Variants in MGAT4C observed in about 807,000 individuals in gnomAD.
MGAT4C encodes MGAT4 family member C, also known as alpha-1,3-mannosyl-glycoprotein 4-beta-N-acetylglucosaminyltransferase C.
MGAT4C carries 19 observed loss-of-function variants against 40.1 expected under a neutral mutation model. The ratio of observed to expected loss-of-function variants is 0.47; its 90% confidence interval spans 0.33 to 0.70. The LOEUF is 0.70. MGAT4C is among the 30% of genes least tolerant of loss of function. The pLI is 0.02. For missense variants in MGAT4C, 491 were observed against 563.2 expected (o/e 0.87, Z 1.30); for synonymous variants, 181 against 187.1 (o/e 0.97, Z 0.27).
At chr12:86,025,511 T>A (rs904584663) in intron 2 of MGAT4C, among the ~76,000 whole-genome samples, 1 of 151,814 alleles carries the variant, frequency 6.6e-6, no homozygotes, top group Non-Finnish European at 1.5e-5. Flanking sequence ...TAAACAGTTT[T>A]AAAAATTTAT....
chr12:86,619,244 GT>G (rs1962561618), intron 2 of MGAT4C, among the ~76,000 whole-genome samples: 1 of 151,972 alleles, frequency 6.6e-6, no homozygotes, highest in Non-Finnish European at 1.5e-5. Flanking sequence ...TATATGTCTT[GT>G]TTTCAATATA....
intron 4 of MGAT4C, among the ~76,000 whole-genome samples, chr12:86,297,998 T>C (rs371141448): frequency 5.9e-5 from 9 of 152,268 alleles, no homozygotes; most frequent in East Asian, 3.9e-4. Flanking sequence ...GTGGATGTAA[T>C]TGATAGGTTG....
At chr12:86,055,878 C>G (rs1893338542) in intron 1 of MGAT4C, among the ~76,000 whole-genome samples, 1 of 151,914 alleles carries the variant, frequency 6.6e-6, no homozygotes. Context: ...TTTTCATTCC[C>G]CTGTTATCCA....
Position 86,337,718 on chromosome 12 carries a change from C to T in MGAT4C, c.-119-3591G>A, listed in dbSNP as rs565374699. 2.9e-4 allele frequency among the ~76,000 whole-genome samples: 44 copies of T among 151,868 alleles called. No individual in the cohort carries two copies. The South Asian group carries it at 4.8e-3, about 16-fold the overall frequency. On this transcript the variant is annotated intron_variant, in intron 3 of 7. Coordinates refer to the MGAT4C transcript ENST00000548651. Reference sequence around the variant, plus strand: ...ATTTGCAGATACATTAACTAAAAGTCGACATTTACTGAAATGATGGGTTTA... The same window carrying T: ...ATTTGCAGATACATTAACTAAAAGTTGACATTTACTGAAATGATGGGTTTA...
chr12:86,773,383 C>T (rs1176196662), intron 1 of MGAT4C, among the ~76,000 whole-genome samples: 2 of 152,078 alleles, frequency 1.3e-5, no homozygotes, highest in Non-Finnish European at 2.9e-5. Context: ...AAAGAACCTA[C>T]CCTGTTGACA....
intron 3 of MGAT4C, among the ~76,000 whole-genome samples, chr12:86,421,291 G>T (rs2136256619): frequency 6.6e-6 from 1 of 152,212 alleles, no homozygotes; most frequent in Admixed American, 6.5e-5. Context: ...CCCCTTGCTG[G>T]TAAAGTGACA....
chr12:86,228,960 T>G (rs976806270), intron 1 of MGAT4C, among the ~76,000 whole-genome samples: 4 of 151,880 alleles, frequency 2.6e-5, no homozygotes, highest in Admixed American at 6.6e-5. Flanking sequence ...TTGTGGCTTC[T>G]TATGTCTGGA....
intron 4 of MGAT4C, among the ~76,000 whole-genome samples, chr12:86,289,348 C>T (rs900436709): frequency 6.6e-6 from 1 of 151,944 alleles, no homozygotes; most frequent in Non-Finnish European, 1.5e-5. Flanking sequence ...TTGGATGCCT[C>T]GGGCTGTGTT....
At chr12:86,156,678 T>C (rs1884976339) in intron 1 of MGAT4C, among the ~76,000 whole-genome samples, 1 of 152,142 alleles carries the variant, frequency 6.6e-6, no homozygotes, top group Admixed American at 6.5e-5. Context: ...GGTTCCAGAG[T>C]ATAAGGAACA....
intron 4 of MGAT4C, among the ~76,000 whole-genome samples, chr12:86,314,786 C>G (rs939626121): frequency 2.0e-5 from 3 of 152,186 alleles, no homozygotes; most frequent in Non-Finnish European, 4.4e-5. Context: ...ATACAATTAT[C>G]TAAGTAGGTG....
chr12:86,135,564 G>T (rs1881822993), intron 1 of MGAT4C, among the ~76,000 whole-genome samples: 1 of 152,040 alleles, frequency 6.6e-6, no homozygotes, highest in Non-Finnish European at 1.5e-5. Context: ...GATAAACGCT[G>T]GGAAGATAAA....
At chr12:86,188,574 A>C (rs1015268447) in intron 1 of MGAT4C, among the ~76,000 whole-genome samples, 1 of 152,026 alleles carries the variant, frequency 6.6e-6, no homozygotes, top group Non-Finnish European at 1.5e-5. Context: ...AGAACTTTAA[A>C]GTTCAAAAGA....
intron 1 of MGAT4C, among the ~76,000 whole-genome samples, chr12:86,187,993 T>A (rs1332535888): frequency 3.9e-5 from 6 of 152,090 alleles, no homozygotes; most frequent in Non-Finnish European, 7.4e-5. Flanking sequence ...CAAAGTGTAC[T>A]GAGACTGAGG....
At chr12:86,346,546 A>G (rs1955037078) in intron 3 of MGAT4C, among the ~76,000 whole-genome samples, 1 of 152,104 alleles carries the variant, frequency 6.6e-6, no homozygotes, top group South Asian at 2.1e-4. Flanking sequence ...CTTTGAAGTT[A>G]ACAAACCACA....
intron 1 of MGAT4C, among the ~76,000 whole-genome samples, chr12:86,774,352 TCCCCTC>T (rs1565981778): frequency 3.1e-4 from 17 of 55,646 alleles, no homozygotes; most frequent in African/African-American, 8.4e-4. Flanking sequence ...TCTCTCTCTC[TCCCCTC>T]TCTCTCTCTC....
chr12:86,340,404 T>C (rs1954883265), intron 3 of MGAT4C, among the ~76,000 whole-genome samples: 1 of 151,966 alleles, frequency 6.6e-6, no homozygotes, highest in African/African-American at 2.4e-5. Context: ...TGAAAGCCTA[T>C]ATTCAACAAA....
At chr12:86,419,727 A>C (rs536185437) in intron 3 of MGAT4C, among the ~76,000 whole-genome samples, 1 of 152,292 alleles carries the variant, frequency 6.6e-6, no homozygotes, top group African/African-American at 2.4e-5. Flanking sequence ...AGTGGATGGT[A>C]ATGAAAGAAA....
chr12:86,481,677 T>A (rs547564149), intron 2 of MGAT4C, among the ~76,000 whole-genome samples: 2 of 151,808 alleles, frequency 1.3e-5, no homozygotes, highest in African/African-American at 4.8e-5. Flanking sequence ...TAGTTAACTA[T>A]CCAAAATGAT....
chr12:86,781,023 T>C (rs112970883), intron 1 of MGAT4C, among the ~76,000 whole-genome samples: 1 of 152,058 alleles, frequency 6.6e-6, no homozygotes, highest in South Asian at 2.1e-4. Flanking sequence ...TGTGTGTGTG[T>C]GTGTGTGTGT....
Sources: allele counts gnomAD v4.1 joint callset (sites outside exome capture counted in the v4.1 genomes callset), GRCh38; gene constraint gnomAD v4.1.1; transcripts MANE v1.5; gene names NCBI Gene and HGNC (gene_info 2026-07-23, HGNC 2026-07-21).